TACC1: variants seen among roughly 807,000 people sequenced by gnomAD.
TACC1 encodes the protein transforming acidic coiled-coil containing protein 1.
A neutral mutation model predicts 84.4 loss-of-function variants in TACC1; 48 were observed. The observed-to-expected ratio is 0.57, with a 90% CI of 0.45 to 0.72. The LOEUF is 0.72. Among genes scored for constraint, TACC1 ranks in the 30% least tolerant of loss-of-function variants. The pLI, the probability that TACC1 is intolerant of heterozygous loss-of-function variation, is 0.00. For synonymous variants in TACC1, 372 were observed against 376.3 expected, an observed-to-expected ratio of 0.99 and a Z score of 0.13; for missense variants, 920 against 973.0, an observed-to-expected ratio of 0.95 and a Z score of 0.72.
intron 2 of TACC1, among the ~76,000 whole-genome samples, chr8:38,798,516 C>T (rs571543757): frequency 1.3e-5 from 2 of 151,640 alleles, no homozygotes; most frequent in East Asian, 3.9e-4. Flanking sequence ...TGAAATTTGC[C>T]CTACCGTGAC....
chr8:38,782,289 C>A (rs1277086615), upstream of TACC1, among the ~76,000 whole-genome samples: 2 of 151,712 alleles, frequency 1.3e-5, no homozygotes, highest in Non-Finnish European at 2.9e-5. Context: ...TTTGTTCTTG[C>A]GATAGTTTAC....
chr8:38,810,468 T>A (rs1823823396), intron 2 of TACC1, among the ~76,000 whole-genome samples: 2 of 152,030 alleles, frequency 1.3e-5, no homozygotes. Context: ...CTGGGCACAC[T>A]GGCTGTATGC....
At chr8:38,818,788 T>TC (rs1236199505) in intron 2 of TACC1, among the ~76,000 whole-genome samples, 1 of 152,124 alleles carries the variant, frequency 6.6e-6, no homozygotes, top group African/African-American at 2.4e-5. Context: ...GCTTTTTTTT[T>TC]TTCTTCTTTT....
At chr8:38,782,194 C>A (rs7816056) in intron 3 of TACC1, among the ~76,000 whole-genome samples, 19,305 of 151,806 alleles carry the variant, frequency 0.13, 1,501 homozygotes, top group South Asian at 0.28. Context: ...CAACAGTCCC[C>A]AGAGTGTGAT....
In TACC1 at chr8:38,787,431, G is replaced by A; in HGVS notation, c.-152G>A. 7.4e-7 allele frequency: 1 copy of A among 1,354,482 alleles called. No individual in the cohort carries two copies. The highest frequency in any genetic ancestry group is 9.4e-7 in the Non-Finnish European group (1 of 1,059,576). 83.9% of individuals were successfully genotyped at this position (1,354,482 alleles called of 1,614,324 possible). On this transcript the variant is annotated 5_prime_UTR_variant, in exon 1 of 13. Transcript: ENST00000317827. ...GCCGGCGGGAGGAAGCGCTCCACCA[G>A]GGCCCCCGACGGCACTCGTTTAACC...
At chr8:38,801,485 TACA>T (rs1821349389) in intron 2 of TACC1, among the ~76,000 whole-genome samples, 2 of 152,236 alleles carry the variant, frequency 1.3e-5, no homozygotes, top group Admixed American at 6.5e-5. Context: ...CTTTTCCCTA[TACA>T]ATTAACTTTG....
intron 2 of TACC1, among the ~76,000 whole-genome samples, chr8:38,808,992 G>C (rs1274768140): frequency 6.6e-6 from 1 of 151,940 alleles, no homozygotes; most frequent in African/African-American, 2.4e-5. Context: ...ATAGGGCTGG[G>C]CAAGTTTATT....
At chr8:38,821,317 A>T (rs1826758816) in intron 3 of TACC1, among the ~76,000 whole-genome samples, 1 of 152,208 alleles carries the variant, frequency 6.6e-6, no homozygotes, top group Non-Finnish European at 1.5e-5. Context: ...ACTGCTGGCC[A>T]CCGTCTTCAT....
intron 3 of TACC1, among the ~76,000 whole-genome samples, chr8:38,761,403 G>C (rs1259415383): frequency 1.3e-5 from 2 of 152,228 alleles, no homozygotes; most frequent in Admixed American, 1.3e-4. Flanking sequence ...TTAGCATAAG[G>C]TCAGTAGCAA....
At chr8:38,826,454 T>C (rs1422746978) in intron 4 of TACC1, among the ~76,000 whole-genome samples, 1 of 152,184 alleles carries the variant, frequency 6.6e-6, no homozygotes, top group Non-Finnish European at 1.5e-5. Flanking sequence ...TTATCAAAAC[T>C]TGCAATATTT....
intron 5 of TACC1, among the ~76,000 whole-genome samples, chr8:38,830,025 G>C (rs1588064878): frequency 6.6e-6 from 1 of 152,198 alleles, no homozygotes; most frequent in Non-Finnish European, 1.5e-5. Context: ...GTTGCTTTCT[G>C]TAAGTATCTG....
rs552523063 is a variant in TACC1 at position 38,732,601 on chromosome 8, T to C, written c.-675+3930T>C. Among the ~76,000 whole-genome samples the C allele has an allele frequency of 5.9e-4, 90 of 152,322 alleles. 2 individuals are homozygous for C. In the South Asian group the frequency reaches 0.018, roughly 30 times the overall value. On this transcript the variant is annotated intron_variant, in intron 1 of 14. Transcript: ENST00000518415. ...ATGAGAAATAAATCAATGGCTGACA[T>C]TGACTGAGCACTTACTATGACCCAG... is the stretch of plus-strand genomic sequence containing the variant.
intron 2 of TACC1, among the ~76,000 whole-genome samples, chr8:38,808,855 C>T (rs954098204): frequency 3.5e-4 from 53 of 151,796 alleles, no homozygotes; most frequent in Admixed American, 3.0e-3. Flanking sequence ...TTTTTTTATT[C>T]TCAGGGCTCC....
At chr8:38,836,038 C>A (rs1830158175) in intron 6 of TACC1, 124 bp from the exon 7 acceptor site, 1 of 1,343,550 alleles carries the variant, frequency 7.4e-7, no homozygotes, top group African/African-American at 1.5e-5. Context: ...CTTCCCCCCG[C>A]TGACTTTTCT....
chr8:38,755,511 TGG>T (rs1433365519), intron 3 of TACC1, among the ~76,000 whole-genome samples: 2 of 151,798 alleles, frequency 1.3e-5, no homozygotes, highest in Admixed American at 6.6e-5. Context: ...GAGACCAGCC[TGG>T]GCAACATAGT....
intron 3 of TACC1, among the ~76,000 whole-genome samples, chr8:38,757,997 G>C (rs1175766220): frequency 6.6e-6 from 1 of 152,222 alleles, no homozygotes; most frequent in East Asian, 1.9e-4. Context: ...TGAAAGCTGT[G>C]AAGGGAAAGT....
intron 1 of TACC1, 120 bp from the exon 2 acceptor site, chr8:38,788,584 C>G: frequency 1.3e-6 from 1 of 753,914 alleles, no homozygotes; most frequent in Admixed American, 2.6e-5. Context: ...CTGCTGAGGA[C>G]CGGTTGGTTG....
chr8:38,763,124 C>T (rs1811543355), intron 3 of TACC1, among the ~76,000 whole-genome samples: 1 of 151,964 alleles, frequency 6.6e-6, no homozygotes, highest in Non-Finnish European at 1.5e-5. Context: ...CCAATGGGTG[C>T]GAAGTGGTAT....
intron 2 of TACC1, among the ~76,000 whole-genome samples, chr8:38,816,036 A>G (rs1409835035): frequency 6.6e-6 from 1 of 152,020 alleles, no homozygotes; most frequent in African/African-American, 2.4e-5. Context: ...ACCTTGATTT[A>G]TGCAGGTCAG....
Sources: allele counts gnomAD v4.1 joint callset (sites outside exome capture counted in the v4.1 genomes callset), GRCh38; gene constraint gnomAD v4.1.1; transcripts MANE v1.5; gene names NCBI Gene and HGNC (gene_info 2026-07-23, HGNC 2026-07-21).